Variants in PTPRD observed in about 807,000 individuals in gnomAD.
The protein encoded by PTPRD is receptor-type tyrosine-protein phosphatase delta.
PTPRD carries 34 observed loss-of-function variants against 214.5 expected under a neutral mutation model. The ratio of observed to expected loss-of-function variants is 0.16; its 90% CI spans 0.12 to 0.21. The LOEUF is 0.21. Among genes scored for constraint, PTPRD ranks in the 10% least tolerant of loss-of-function variants. The probability of loss-of-function intolerance (pLI) is 1.00; values close to 1 mark genes in which losing one functional copy is unlikely to be tolerated. For synonymous variants in PTPRD, 1,128 were observed against 845.7 expected, an observed-to-expected ratio of 1.33 and a Z score of -5.79; for missense variants, 2,545 against 2,398.7, an observed-to-expected ratio of 1.06 and a Z score of -1.27.
At chr9:10,279,204 T>C (rs1189282039) in intron 3 of PTPRD, among the ~76,000 whole-genome samples, 1 of 151,320 alleles carries the variant, frequency 6.6e-6, no homozygotes, top group Non-Finnish European at 1.5e-5. Context: ...TATTAACAAG[T>C]GTAGTTCAAG....
chr9:9,691,778 C>T (rs978548799), intron 7 of PTPRD, among the ~76,000 whole-genome samples: 1 of 152,024 alleles, frequency 6.6e-6, no homozygotes, highest in Non-Finnish European at 1.5e-5. Flanking sequence ...CACATTCTCG[C>T]CAGCGTTTGT....
At chr9:10,293,755 C>G (rs906571176) in intron 3 of PTPRD, among the ~76,000 whole-genome samples, 4 of 151,874 alleles carry the variant, frequency 2.6e-5, no homozygotes, top group African/African-American at 9.7e-5. Flanking sequence ...GTAATTCTAG[C>G]CTTCATTGGT....
intron 11 of PTPRD, among the ~76,000 whole-genome samples, chr9:8,856,007 A>T (rs891398525): frequency 2.0e-5 from 3 of 152,218 alleles, no homozygotes; most frequent in Non-Finnish European, 4.4e-5. Flanking sequence ...ACAGTACATA[A>T]TTATGGAATG....
At chr9:8,767,162 G>A (rs1056930663) in intron 11 of PTPRD, among the ~76,000 whole-genome samples, 3 of 151,920 alleles carry the variant, frequency 2.0e-5, no homozygotes, top group African/African-American at 7.3e-5. Context: ...TTGTTGCCCA[G>A]GCTGGAATGC....
intron 11 of PTPRD, among the ~76,000 whole-genome samples, chr9:8,882,152 G>A (rs1001859235): frequency 2.0e-5 from 3 of 152,128 alleles, no homozygotes; most frequent in Admixed American, 1.3e-4. Flanking sequence ...TCCCTTTATA[G>A]CATCTAGAAG....
chr9:9,058,442 G>GTTTTTTTTTGTTT (rs2099700414), intron 10 of PTPRD, among the ~76,000 whole-genome samples: 2 of 69,900 alleles, frequency 2.9e-5, no homozygotes, highest in Non-Finnish European at 5.3e-5. Context: ...TATTATGAGG[G>GTTTTTTTTTGTTT]TTTTTTTTTT....
At chr9:8,541,389 C>T (rs1455013989) in intron 14 of PTPRD, among the ~76,000 whole-genome samples, 2 of 152,090 alleles carry the variant, frequency 1.3e-5, no homozygotes, top group South Asian at 4.1e-4. Context: ...GTCACAATAC[C>T]TGGCTCAATT....
chr9:9,616,277 G>A (rs1017395587), intron 7 of PTPRD, among the ~76,000 whole-genome samples: 1 of 151,934 alleles, frequency 6.6e-6, no homozygotes, highest in Non-Finnish European at 1.5e-5. Flanking sequence ...ATTATTTTTT[G>A]TTTACCTAAA....
chr9:9,960,638 C>T (rs1212780425), intron 4 of PTPRD, among the ~76,000 whole-genome samples: 2 of 152,096 alleles, frequency 1.3e-5, no homozygotes, highest in African/African-American at 2.4e-5. Context: ...TTATCTTAAT[C>T]TTACGTAGAG....
intron 5 of PTPRD, among the ~76,000 whole-genome samples, chr9:9,769,744 T>C: frequency 6.6e-6 from 1 of 152,118 alleles, no homozygotes; most frequent in East Asian, 1.9e-4. Context: ...TTTCTCCTAA[T>C]GCTATCCCTC....
At chr9:9,408,490 A>T (rs933627130) in intron 8 of PTPRD, among the ~76,000 whole-genome samples, 3 of 151,852 alleles carry the variant, frequency 2.0e-5, no homozygotes, top group Non-Finnish European at 4.4e-5. Context: ...CTAAAACATT[A>T]TAATAAAATT....
At chr9:9,890,431 T>C (rs2072871467) in intron 5 of PTPRD, among the ~76,000 whole-genome samples, 1 of 152,014 alleles carries the variant, frequency 6.6e-6, no homozygotes, top group African/African-American at 2.4e-5. Context: ...ACTCCTAGAC[T>C]CAAGCAATCT....
intron 33 of PTPRD, 171 bp downstream of exon 33, chr9:8,460,238 TAC>T (rs1288201762): frequency 8.7e-6 from 7 of 804,676 alleles, no homozygotes; most frequent in Middle Eastern, 5.5e-4. Context: ...TTCCAAATAG[TAC>T]AGTCTTTACA....
At chr9:10,342,720 G>A (rs184164203) in intron 2 of PTPRD, among the ~76,000 whole-genome samples, 137 of 152,044 alleles carry the variant, frequency 9.0e-4, no homozygotes, top group African/African-American at 3.0e-3. Context: ...TATAACTATT[G>A]AATGAATATA....
intron 3 of PTPRD, among the ~76,000 whole-genome samples, chr9:10,228,241 A>T (rs965728103): frequency 6.6e-6 from 1 of 152,026 alleles, no homozygotes; most frequent in African/African-American, 2.4e-5. Flanking sequence ...TAATGGGCTT[A>T]TTTCCAACAT....
At chr9:10,191,326 C>G (rs1013049484) in intron 3 of PTPRD, among the ~76,000 whole-genome samples, 1 of 151,766 alleles carries the variant, frequency 6.6e-6, no homozygotes, top group Non-Finnish European at 1.5e-5. Context: ...TCTTATAAAA[C>G]CAATTTATAA....
chr9:8,663,640 T>C (rs552770129), intron 12 of PTPRD, among the ~76,000 whole-genome samples: 32 of 152,090 alleles, frequency 2.1e-4, no homozygotes, highest in African/African-American at 7.2e-4. Flanking sequence ...TACAGGCACC[T>C]ACCACCACAC....
chr9:8,629,479 T>G (rs1303408864), intron 14 of PTPRD, among the ~76,000 whole-genome samples: 1 of 151,852 alleles, frequency 6.6e-6, no homozygotes, highest in Non-Finnish European at 1.5e-5. Flanking sequence ...CAATTCCATT[T>G]AGATGACAAT....
At chr9:10,277,172 T>G (rs866963395) in intron 3 of PTPRD, among the ~76,000 whole-genome samples, 76 of 93,362 alleles carry the variant, frequency 8.1e-4, no homozygotes, top group African/African-American at 2.8e-3. Context: ...ATCTTTTGGT[T>G]TAGTAAAAAA....
Sources: allele counts gnomAD v4.1 joint callset (sites outside exome capture counted in the v4.1 genomes callset), GRCh38; gene constraint gnomAD v4.1.1; transcripts MANE v1.5; gene names NCBI Gene and HGNC (gene_info 2026-07-23, HGNC 2026-07-21).